Variants in TRPC4AP observed in about 807,000 individuals in gnomAD.
TRPC4AP encodes short transient receptor potential channel 4-associated protein.
Under a neutral mutation model 99.0 loss-of-function variants are expected in TRPC4AP, and 45 were observed. That is an observed-to-expected ratio of 0.45 (90% confidence interval 0.36 to 0.58). The LOEUF (loss-of-function observed/expected upper bound fraction) is 0.58. Ranked by LOEUF, TRPC4AP falls within the 20% of genes least tolerant of loss-of-function variation. The pLI is 0.00. For missense variants in TRPC4AP, 879 were observed against 985.3 expected, an observed-to-expected ratio of 0.89 and a Z score of 1.44; for synonymous variants, 408 against 385.8, an observed-to-expected ratio of 1.06 and a Z score of -0.67.
At chr20:35,035,464 G>C (rs988407762) in intron 7 of TRPC4AP, among the ~76,000 whole-genome samples, 156 bp from the exon 8 acceptor site, 1 of 152,206 alleles carries the variant, frequency 6.6e-6, no homozygotes, top group Non-Finnish European at 1.5e-5. Flanking sequence ...AAGGTAAATA[G>C]TAATTATGTT....
chr20:35,082,086 T>C (rs2084662159), intron 1 of TRPC4AP, among the ~76,000 whole-genome samples: 1 of 152,196 alleles, frequency 6.6e-6, no homozygotes, highest in South Asian at 2.1e-4. Flanking sequence ...TTAATGATCC[T>C]AAATTTGAAA....
intron 1 of TRPC4AP, among the ~76,000 whole-genome samples, chr20:35,078,629 T>C (rs923088993): frequency 1.3e-5 from 2 of 152,004 alleles, no homozygotes; most frequent in African/African-American, 4.8e-5. Context: ...TCCAACTATA[T>C]CAATAATCAC....
At chr20:35,078,990 C>G (rs372205155) in intron 1 of TRPC4AP, among the ~76,000 whole-genome samples, 1 of 152,238 alleles carries the variant, frequency 6.6e-6, no homozygotes, top group African/African-American at 2.4e-5. Flanking sequence ...CGCTTGAACT[C>G]GGGAGGCAGA....
intron 3 of TRPC4AP, among the ~76,000 whole-genome samples, chr20:35,067,657 T>C (rs2084178364): frequency 6.6e-6 from 1 of 152,224 alleles, no homozygotes; most frequent in African/African-American, 2.4e-5. Flanking sequence ...ATATCCACAC[T>C]GTGAAACATC....
chr20:35,019,146 C>T (rs998022019), intron 9 of TRPC4AP, among the ~76,000 whole-genome samples: 2 of 152,282 alleles, frequency 1.3e-5, no homozygotes, highest in African/African-American at 4.8e-5. Flanking sequence ...TGAGGCCTGG[C>T]CAAGGAAACC....
intron 5 of TRPC4AP, 58 bp from the exon 6 acceptor site, chr20:35,050,052 C>T: frequency 4.5e-6 from 7 of 1,570,026 alleles, no homozygotes; most frequent in South Asian, 1.2e-5. Context: ...TATGAAAGTA[C>T]AAGGCATCCT....
intron 2 of TRPC4AP, among the ~76,000 whole-genome samples, chr20:35,074,300 G>T (rs1049363541): frequency 2.6e-5 from 4 of 151,772 alleles, no homozygotes; most frequent in African/African-American, 9.7e-5. Flanking sequence ...GTTATTTCTC[G>T]CCTTCTGCTA....
chr20:35,014,335 T>TTTG lies in TRPC4AP; in HGVS notation c.1351-1270_1351-1269insCAA, dbSNP rs10681837. Among the ~76,000 whole-genome samples the TTTG allele has an allele frequency of 5.9e-3, 878 of 148,106 alleles. 11 individuals are homozygous for TTTG. Among genetic ancestry groups the TTTG allele is most frequent in the African/African-American group, 0.019 (767 of 39,722 alleles). ...CAGAATTTTTTTTTTTTTTTTTTTT[T>TTTG]GAGACACAGTCTCACTCTGTTGCCC... On this transcript the variant is annotated intron_variant, in intron 10 of 18. Coordinates refer to ENST00000252015, the MANE Select transcript of TRPC4AP (RefSeq NM_015638.3).
intron 7 of TRPC4AP, among the ~76,000 whole-genome samples, chr20:35,044,116 T>C (rs1018325688): frequency 2.0e-5 from 3 of 151,860 alleles, no homozygotes; most frequent in Non-Finnish European, 2.9e-5. Context: ...GGGTGCTAGG[T>C]GTGGTGGCTC....
At chr20:35,024,232 G>C (rs2082963924) in intron 8 of TRPC4AP, among the ~76,000 whole-genome samples, 1 of 151,354 alleles carries the variant, frequency 6.6e-6, no homozygotes, top group African/African-American at 2.4e-5. Context: ...TCATAGAGTT[G>C]TGCAGCCATT....
At chr20:35,091,963 T>C (rs2146061674) in intron 1 of TRPC4AP, among the ~76,000 whole-genome samples, 1 of 151,062 alleles carries the variant, frequency 6.6e-6, no homozygotes, top group Admixed American at 6.6e-5. Flanking sequence ...GACTCCAGAG[T>C]CCCTCTTAAC....
chr20:35,056,985 C>CAAA (rs398035624), intron 4 of TRPC4AP, among the ~76,000 whole-genome samples: 9 of 90,296 alleles, frequency 1.0e-4, no homozygotes, highest in South Asian at 7.3e-4. Flanking sequence ...GAGACTGTCT[C>CAAA]AAAAAAAAAA....
intron 10 of TRPC4AP, among the ~76,000 whole-genome samples, chr20:35,015,198 A>C (rs2082721983): frequency 6.6e-6 from 1 of 152,020 alleles, no homozygotes; most frequent in Non-Finnish European, 1.5e-5. Context: ...ACGGGGTTTC[A>C]CCATGTTGGC....
chr20:35,089,850 A>C (rs1315681401), intron 1 of TRPC4AP, among the ~76,000 whole-genome samples: 1 of 152,140 alleles, frequency 6.6e-6, no homozygotes, highest in Non-Finnish European at 1.5e-5. Flanking sequence ...CGTCTAAAAA[A>C]TAAAAAATAA....
chr20:35,055,496 A>G (rs1168366313), intron 4 of TRPC4AP, among the ~76,000 whole-genome samples: 1 of 152,210 alleles, frequency 6.6e-6, no homozygotes, highest in Non-Finnish European at 1.5e-5. Flanking sequence ...ACTAGAATCT[A>G]AAGTATAGGC....
chr20:35,045,280 T>TAC (rs2083533282), intron 6 of TRPC4AP, among the ~76,000 whole-genome samples: 1 of 152,208 alleles, frequency 6.6e-6, no homozygotes, highest in African/African-American at 2.4e-5. Flanking sequence ...TACCATACTA[T>TAC]ACCTTACTTT....
chr20:35,008,488 TCA>T (rs1471820395), intron 13 of TRPC4AP, among the ~76,000 whole-genome samples, 174 bp downstream of exon 13: 3 of 152,160 alleles, frequency 2.0e-5, no homozygotes, highest in African/African-American at 7.2e-5. Context: ...GAAGAAGCTC[TCA>T]CATACCTGTC....
chr20:35,077,141 C>T (rs1345069749), intron 2 of TRPC4AP, among the ~76,000 whole-genome samples: 1 of 152,096 alleles, frequency 6.6e-6, no homozygotes, highest in Non-Finnish European at 1.5e-5. Flanking sequence ...GGGAGTGTCC[C>T]GATTTTCTGG....
At chr20:35,058,920 C>T (rs1430744230) in intron 3 of TRPC4AP, among the ~76,000 whole-genome samples, 1 of 151,994 alleles carries the variant, frequency 6.6e-6, no homozygotes, top group African/African-American at 2.4e-5. Flanking sequence ...AACTCCTGAC[C>T]TCAGGTGATC....
Sources: allele counts gnomAD v4.1 joint callset (sites outside exome capture counted in the v4.1 genomes callset), GRCh38; gene constraint gnomAD v4.1.1; transcripts MANE v1.5; gene names NCBI Gene and HGNC (gene_info 2026-07-23, HGNC 2026-07-21).